The following IQCE variants were observed in gnomAD, a reference collection of about 807,000 sequenced individuals.
The protein encoded by IQCE is IQ motif containing E, also known as IQ domain-containing protein E.
Under a neutral mutation model 96.0 loss-of-function variants are expected in IQCE, and 115 were observed. That is an observed-to-expected ratio of 1.20 (90% CI 1.03 to 1.40). IQCE has a LOEUF of 1.40. Ranked by LOEUF, IQCE falls within the 40% of genes most tolerant of loss-of-function variation. The pLI, the probability that IQCE is intolerant of heterozygous loss-of-function variation, is 0.00. For synonymous variants in IQCE, 412 were observed against 371.2 expected (o/e 1.11, Z -1.26); for missense variants, 1,041 against 909.1 (o/e 1.15, Z -1.87).
At chr7:2,561,001 A>G (rs1780910673) in intron 1 of IQCE, among the ~76,000 whole-genome samples, 1 of 146,284 alleles carries the variant, frequency 6.8e-6, no homozygotes, top group Admixed American at 6.8e-5. Context: ...TTTGCCACCC[A>G]GGCTGGAGTG....
At chr7:2,597,072 G>T (rs1210084725) in intron 16 of IQCE, 1 of 471,152 alleles carries the variant, frequency 2.1e-6, no homozygotes, top group Non-Finnish European at 4.4e-6. Flanking sequence ...TCGGCCAGGA[G>T]GCGGCAGGGT....
At chr7:2,569,561 A>G (rs564935671) in intron 3 of IQCE, among the ~76,000 whole-genome samples, 2 of 152,192 alleles carry the variant, frequency 1.3e-5, no homozygotes, top group African/African-American at 4.8e-5. Context: ...AGGTGGGGTT[A>G]GTCCAGGTGG....
chr7:2,606,968 T>C (rs955512903), intron 20 of IQCE, among the ~76,000 whole-genome samples, 156 bp from the exon 21 acceptor site: 1 of 152,254 alleles, frequency 6.6e-6, no homozygotes, highest in African/African-American at 2.4e-5. Context: ...TGGGTGCATA[T>C]TGGGTACAGC....
intron 16 of IQCE, among the ~76,000 whole-genome samples, chr7:2,597,725 C>A (rs536568757): frequency 6.6e-6 from 1 of 152,198 alleles, no homozygotes; most frequent in Non-Finnish European, 1.5e-5. Context: ...TCGACTACAG[C>A]GGCACAATCA....
intron 13 of IQCE, among the ~76,000 whole-genome samples, chr7:2,588,663 T>TG (rs1783328568): frequency 7.8e-6 from 1 of 128,744 alleles, no homozygotes; most frequent in Non-Finnish European, 1.7e-5. Flanking sequence ...GGTTTTTTTT[T>TG]TTTTTTTTTT....
rs936444059 is a variant in IQCE, at chr7:2,610,461, G to T, written c.*299G>T. 2 of 307,666 alleles carry T rather than the reference G, an allele frequency of 6.5e-6. No homozygotes were observed. Among genetic ancestry groups the T allele is most frequent in the Non-Finnish European group, 1.2e-5 (2 of 161,736 alleles). 19.1% of individuals were successfully genotyped at this position (307,666 alleles called of 1,614,324 possible). A position where few individuals can be genotyped will look rare whatever the true frequency, so the allele number is the denominator to read the frequency against. On this transcript the variant is annotated 3_prime_UTR_variant, in exon 22 of 22. Coordinates refer to ENST00000402050, the MANE Select transcript of IQCE (RefSeq NM_152558.5). The stretch of plus-strand genomic sequence containing the variant: ...CTCGCAGATGCCAGGGAGCCCTGTA[G>T]TGACACGTTCTCTGACAGCACCTTG...
chr7:2,569,119 C>T, intron 3 of IQCE, 120 bp downstream of exon 3: 2 of 923,068 alleles, frequency 2.2e-6, no homozygotes, highest in South Asian at 2.9e-5. Context: ...AGCCAGTTGG[C>T]CCCATTCCCA....
In IQCE at chr7:2,607,316, T is replaced by A. The variant is rs1056568; in HGVS notation, c.1969+89T>A. On this transcript the variant is annotated intron_variant, in intron 21 of 21. Transcript: ENST00000402050. ...GTGGCCACCTCCAGGAAGCCCGGGC[T>A]GTGTCGGGACGGAAGGGAGGAGTGT... The A allele has an allele frequency of 5.7e-6, 9 of 1,570,294 alleles. 1 individual carries two copies. In the African/African-American group the frequency reaches 9.6e-5, roughly 17 times the overall value.
chr7:2,571,358 A>G lies in IQCE; in HGVS notation c.131-168A>G, dbSNP rs116420329. 3.0e-3 allele frequency: 2,309 copies of G among 770,448 alleles called. 31 individuals are homozygous for G. In the African/African-American group the frequency reaches 0.036, roughly 12 times the overall value. 47.7% of individuals were successfully genotyped at this position (770,448 alleles called of 1,614,324 possible). On this transcript the variant is annotated intron_variant, in intron 3 of 21. Coordinates refer to ENST00000402050, the MANE Select transcript of IQCE (RefSeq NM_152558.5). ...CTTTATAATAAAAGTTAAAGGAGAAATGTCAGTATATAGGTAAAGTAACTC... is the reference window on the plus strand; with the variant it reads ...CTTTATAATAAAAGTTAAAGGAGAAGTGTCAGTATATAGGTAAAGTAACTC...
intron 3 of IQCE, among the ~76,000 whole-genome samples, chr7:2,570,656 T>G (rs527782442): frequency 6.6e-6 from 1 of 152,316 alleles, no homozygotes; most frequent in African/African-American, 2.4e-5. Context: ...ATTTAAGATA[T>G]ATAAGAATGT....
chr7:2,583,487 G>T, intron 9 of IQCE, 150 bp from the exon 10 acceptor site: 2 of 372,426 alleles, frequency 5.4e-6, no homozygotes, highest in South Asian at 3.3e-5. Context: ...CAAGGAACAA[G>T]TCAAATGAAG....
chr7:2,582,558 G>C (rs1562644384), intron 8 of IQCE, 22 bp from the exon 9 acceptor site: 3 of 1,612,138 alleles, frequency 1.9e-6, no homozygotes, highest in Non-Finnish European at 2.5e-6. Context: ...TGGCCTGCCT[G>C]ATGGGCACGT....
chr7:2,585,010 T>A (rs1404704707), intron 11 of IQCE, among the ~76,000 whole-genome samples: 2 of 151,550 alleles, frequency 1.3e-5, no homozygotes, highest in African/African-American at 4.8e-5. Context: ...ACTGCTCCAA[T>A]GGGAGGTACA....
chr7:2,577,271 C>T (rs1469007793), intron 6 of IQCE, among the ~76,000 whole-genome samples: 7 of 151,838 alleles, frequency 4.6e-5, no homozygotes, highest in South Asian at 2.1e-4. Context: ...GACGTGTGTG[C>T]GGTGTGTGCG....
intron 6 of IQCE, among the ~76,000 whole-genome samples, chr7:2,574,807 T>G (rs1185070285): frequency 6.6e-6 from 1 of 152,226 alleles, no homozygotes; most frequent in African/African-American, 2.4e-5. Flanking sequence ...ATCGGGTAGC[T>G]TCACTATTCT....
chr7:2,572,125 T>C (rs1021203173), intron 4 of IQCE, 67 bp from the exon 5 acceptor site: 1 of 1,512,800 alleles, frequency 6.6e-7, no homozygotes, highest in Middle Eastern at 1.8e-4. Flanking sequence ...GAAAGTTGAT[T>C]AGAAACAAAA....
intron 1 of IQCE, among the ~76,000 whole-genome samples, chr7:2,565,732 CTT>C (rs748438824): frequency 1.4e-4 from 22 of 152,068 alleles, no homozygotes; most frequent in Non-Finnish European, 2.9e-4. Flanking sequence ...AAAAGGAAAA[CTT>C]CTCTCTATAA....
intron 20 of IQCE, 51 bp from the exon 21 acceptor site, chr7:2,607,073 G>A: frequency 6.7e-7 from 1 of 1,492,902 alleles, no homozygotes; most frequent in Non-Finnish European, 9.0e-7. Context: ...CCTCAGAGAG[G>A]TTTGTACTCT....
chr7:2,587,228 G>A (rs937133361), intron 12 of IQCE, among the ~76,000 whole-genome samples: 35 of 151,988 alleles, frequency 2.3e-4, no homozygotes, highest in African/African-American at 7.7e-4. Flanking sequence ...CAGGTTTGGG[G>A]AAAGGCCACG....
Sources: allele counts gnomAD v4.1 joint callset (sites outside exome capture counted in the v4.1 genomes callset), GRCh38; gene constraint gnomAD v4.1.1; transcripts MANE v1.5; gene names NCBI Gene and HGNC (gene_info 2026-07-23, HGNC 2026-07-21).